Variants in TSKU observed in about 807,000 individuals in gnomAD.
TSKU encodes tsukushi, small leucine rich proteoglycan, also known as tsukushi.
TSKU carries 4 observed loss-of-function variants against 11.2 expected under a neutral mutation model. The ratio of observed to expected loss-of-function variants is 0.36; its 90% CI spans 0.18 to 0.82. The LOEUF (loss-of-function observed/expected upper bound fraction) is 0.82. Ranked by LOEUF, TSKU falls within the 40% of genes least tolerant of loss-of-function variation. The probability of loss-of-function intolerance (pLI) is 0.50; values close to 1 mark genes in which losing one functional copy is unlikely to be tolerated. For synonymous variants in TSKU, 220 were observed against 232.2 expected (o/e 0.95, Z 0.48); for missense variants, 407 against 482.5 (o/e 0.84, Z 1.47).
At chr11:76,784,580 G>T (rs1451779864) in intron 1 of TSKU, among the ~76,000 whole-genome samples, 1 of 152,256 alleles carries the variant, frequency 6.6e-6, no homozygotes, top group Non-Finnish European at 1.5e-5. Flanking sequence ...GCGGCTCGGG[G>T]CGTGCGGTGG....
chr11:76,796,737 G>C lies in TSKU; in HGVS notation c.*59G>C, dbSNP rs1289621593. ...GCTGTCCTGGGCTGCCTCAGGTCCC[G>C]AGTAACTTATGTTCAATGTGCCAAC... On this transcript the variant is annotated 3_prime_UTR_variant, in exon 2 of 2. Coordinates refer to ENST00000333090, the MANE Select transcript of TSKU (RefSeq NM_015516.4). This position sits in a 1 kb window ranked among gnomAD's most constrained non-coding sequence, Gnocchi z 4.1. 3.8e-6 allele frequency: 5 copies of C among 1,327,114 alleles called. No individual in the cohort carries two copies. Among genetic ancestry groups the C allele is most frequent in the Non-Finnish European group, 5.0e-6 (5 of 1,001,038 alleles). 82.2% of individuals were successfully genotyped at this position (1,327,114 alleles called of 1,614,324 possible).
rs759812694 is a variant in TSKU at position 76,795,841 on chromosome 11, G to A, written c.225G>A (p.Glu75=). 2 of 1,614,030 alleles carry A rather than the reference G, an allele frequency of 1.2e-6. No homozygotes were observed. Among genetic ancestry groups the A allele is most frequent in the Non-Finnish European group, 8.5e-7 (1 of 1,180,032 alleles). The change falls in exon 2 of 2, where the codon GAG becomes GAA. Residue 75 remains glutamate (E), a synonymous_variant. Transcript: ENST00000333090. ...LSSNRLEMVN[E]SVLAGPGYTT... ...CCAACCGGCTGGAGATGGTGAATGA[G>A]TCGGTGTTGGCGGGGCCGGGCTACA...
chr11:76,789,108 T>A (rs924910413), intron 1 of TSKU, among the ~76,000 whole-genome samples: 1 of 152,184 alleles, frequency 6.6e-6, no homozygotes, highest in Non-Finnish European at 1.5e-5. Flanking sequence ...TCACTGCCCC[T>A]CTCTGGGCCC....
At chr11:76,790,260 G>A (rs1020161212) in intron 1 of TSKU, among the ~76,000 whole-genome samples, 2 of 152,064 alleles carry the variant, frequency 1.3e-5, no homozygotes, top group African/African-American at 2.4e-5. Flanking sequence ...GAGACCTAGG[G>A]CTCCTGACCA....
At chr11:76,791,589 G>GC (rs1474986432) in intron 1 of TSKU, among the ~76,000 whole-genome samples, 1 of 152,246 alleles carries the variant, frequency 6.6e-6, no homozygotes, top group Non-Finnish European at 1.5e-5. Flanking sequence ...GAGGGTGCAA[G>GC]CCCCAAGACT....
intron 1 of TSKU, chr11:76,784,253 G>A (rs1036775636): frequency 6.6e-6 from 1 of 152,446 alleles, no homozygotes; most frequent in African/African-American, 2.4e-5. Context: ...CGCGCTTCTT[G>A]GAAAGAGTGT....
rs569150065 is a variant in TSKU, at chr11:76,796,506, C to T, written c.890C>T (p.Ala297Val). 6.8e-6 allele frequency: 11 copies of T among 1,612,020 alleles called. No individual in the cohort carries two copies. The highest frequency in any genetic ancestry group is 4.5e-5 in the East Asian group (2 of 44,806). ...SGTNLVPLPE[A>V]LLLHLPALQS... ...ACCAACCTGGTGCCCCTGCCTGAGG[C>T]GCTGCTCCTCCACCTCCCGGCACTG... Residue 297 changes from alanine to valine, a missense_variant, in exon 2 of 2, where the codon GCG becomes GTG. Physicochemically the swap from Ala to Val is moderately conservative, Grantham distance 64 (BLOSUM62 0). Coordinates refer to ENST00000333090, the MANE Select transcript of TSKU (RefSeq NM_015516.4). The surrounding 1 kb of genome is among the most constrained non-coding windows in gnomAD (Gnocchi z 4.1).
chr11:76,796,861 C>G lies in TSKU; in HGVS notation c.*183C>G. On this transcript the variant is annotated 3_prime_UTR_variant, in exon 2 of 2. Transcript: ENST00000333090. The surrounding 1 kb of genome is among the most constrained non-coding windows in gnomAD (Gnocchi z 4.1). ...TGGGAGCCACACCTAGGAGCAAAGTCTCACCCCTTTGTCTACGTTGCTTCC... is the reference window on the plus strand; with the variant it reads ...TGGGAGCCACACCTAGGAGCAAAGTGTCACCCCTTTGTCTACGTTGCTTCC... 2.2e-6 allele frequency: 1 copy of G among 451,794 alleles called. No individual in the cohort carries two copies. The allele number at this position is 451,794 out of a possible 1,614,324, so 28.0% of individuals were successfully genotyped here. A position where few individuals can be genotyped will look rare whatever the true frequency, so the allele number is the denominator to read the frequency against.
intron 1 of TSKU, among the ~76,000 whole-genome samples, chr11:76,784,516 C>T (rs3758711): frequency 0.29 from 44,504 of 152,166 alleles, 7,464 homozygotes; most frequent in African/African-American, 0.46. Context: ...TGGCAAGTTG[C>T]TCAGCTTCGC....
At chr11:76,791,537 C>T (rs993880748) in intron 1 of TSKU, among the ~76,000 whole-genome samples, 1 of 152,220 alleles carries the variant, frequency 6.6e-6, no homozygotes, top group Admixed American at 6.5e-5. Flanking sequence ...ACACTCCAGC[C>T]ATGACTAAAA....
chr11:76,791,642 G>A (rs1328500261), intron 1 of TSKU: 3 of 152,254 alleles, frequency 2.0e-5, no homozygotes, highest in Admixed American at 1.3e-4. Flanking sequence ...CCTTGGGCAG[G>A]TGACCCAATC....
At chr11:76,783,904 A>G (rs879815557) in intron 1 of TSKU, among the ~76,000 whole-genome samples, 1 of 87,650 alleles carries the variant, frequency 1.1e-5, no homozygotes, top group African/African-American at 4.7e-5. Context: ...ACGCCGCCCC[A>G]CCCCCCCGCT....
chr11:76,783,581 T>G (rs1590814416), intron 1 of TSKU, among the ~76,000 whole-genome samples, 177 bp downstream of exon 1: 1 of 150,934 alleles, frequency 6.6e-6, no homozygotes, highest in South Asian at 2.1e-4. Context: ...TGGGCGGGAG[T>G]GGGGAACGCC....
intron 1 of TSKU, among the ~76,000 whole-genome samples, chr11:76,788,961 G>A (rs1006158748): frequency 1.2e-4 from 19 of 152,328 alleles, no homozygotes; most frequent in African/African-American, 3.1e-4. Flanking sequence ...GGGGTGGCCC[G>A]AGGGCCTGAG....
chr11:76,791,185 A>T (rs1944365353), intron 1 of TSKU, among the ~76,000 whole-genome samples: 1 of 152,360 alleles, frequency 6.6e-6, no homozygotes, highest in Non-Finnish European at 1.5e-5. Context: ...GCAGGAAAGC[A>T]TTCAAGAGGT....
At chr11:76,784,069 C>CGAT (rs1565125477) in intron 1 of TSKU, 11 of 152,322 alleles carry the variant, frequency 7.2e-5, no homozygotes, top group Non-Finnish European at 1.3e-4. Flanking sequence ...GGGGCTGCGA[C>CGAT]GGGATTGGTG....
rs139332945 is a variant in TSKU at position 76,788,900 on chromosome 11, T to TTTAC, written c.-9+5498_-9+5501dup. On this transcript the variant is annotated intron_variant, in intron 1 of 1. Coordinates refer to ENST00000333090, the MANE Select transcript of TSKU (RefSeq NM_015516.4). ...ACAGCAGGTAACTCACGGCAGAGAATTTACTGAAGGAGGCCTGTGGGTAGC... is the reference window on the plus strand; with the variant it reads ...ACAGCAGGTAACTCACGGCAGAGAATTTACTTACTGAAGGAGGCCTGTGGGTAGC... Among the ~76,000 whole-genome samples the TTTAC allele has an allele frequency of 9.4e-3, 1,435 of 152,206 alleles. 17 individuals carry two copies. Among genetic ancestry groups the TTTAC allele is most frequent in the African/African-American group, 0.032 (1,341 of 41,532 alleles).
chr11:76,794,608 A>G (rs1394767196), intron 1 of TSKU, among the ~76,000 whole-genome samples: 1 of 152,188 alleles, frequency 6.6e-6, no homozygotes, highest in Non-Finnish European at 1.5e-5. Context: ...ATAATGGGGG[A>G]AGCAGCCTAA....
At position 76,790,884 on chromosome 11, in the gene TSKU, G is replaced by A. The variant is rs144726343; in HGVS notation, c.-8-4725G>A. Among the ~76,000 whole-genome samples, 301 of 152,284 alleles carry A rather than the reference G, an allele frequency of 2.0e-3. 1 individual carries two copies. Among genetic ancestry groups the A allele is most frequent in the African/African-American group, 6.9e-3 (286 of 41,564 alleles). On this transcript the variant is annotated intron_variant, in intron 1 of 1. Coordinates refer to ENST00000333090, the MANE Select transcript of TSKU (RefSeq NM_015516.4). ...CTTTGGACCTGGGTAACAAGCAGAG[G>A]TTGGAACAGTTTGGAGGGTTCAGAA...
Sources: gnomAD v4.1 joint callset for allele counts (sites outside exome capture counted in the v4.1 genomes callset) on GRCh38, gnomAD v4.1.1 for gene constraint, Gnocchi (gnomAD v3.1) non-coding constraint, MANE v1.5 for transcripts, NCBI Gene and HGNC (gene_info 2026-07-23, HGNC 2026-07-21) for gene names.